The following LGSN variants were observed in gnomAD, a reference collection of about 807,000 sequenced individuals.
The protein encoded by LGSN is lengsin, lens protein with glutamine synthetase domain, also known as lengsin.
In LGSN, 21 loss-of-function variants were observed where a neutral mutation model predicts 19.5. The observed-to-expected ratio is 1.07, with a 90% CI of 0.76 to 1.55. LGSN has a LOEUF of 1.55. LGSN is among the 40% of genes most tolerant of loss of function. The pLI is 0.00. For missense variants in LGSN, 673 were observed against 608.5 expected (o/e 1.11, Z -1.12); for synonymous variants, 257 against 215.6 (o/e 1.19, Z -1.68).
intron 1 of LGSN, among the ~76,000 whole-genome samples, chr6:63,316,269 A>C (rs1305571822): frequency 1.3e-5 from 2 of 152,194 alleles, no homozygotes; most frequent in Non-Finnish European, 2.9e-5. Flanking sequence ...GTGTGAAAGA[A>C]GTATCAGAAT....
At chr6:63,506,350 A>C in the LGSN span, among the ~76,000 whole-genome samples, 1 of 149,878 alleles carries the variant, frequency 6.7e-6, no homozygotes, top group African/African-American at 2.5e-5. Context: ...TGCAACCTCC[A>C]CCTCCCAGGT....
chr6:63,412,691 GAAA>G, the LGSN span, among the ~76,000 whole-genome samples: 3 of 112,214 alleles, frequency 2.7e-5, no homozygotes, highest in African/African-American at 1.1e-4. Context: ...GAAAGAAAGA[GAAA>G]GAAAGAAAGA....
chr6:63,417,686 G>T, the LGSN span, among the ~76,000 whole-genome samples: 1 of 152,170 alleles, frequency 6.6e-6, no homozygotes, highest in Non-Finnish European at 1.5e-5. Flanking sequence ...TAAAAGTGTG[G>T]CAGGGAAAAG....
the LGSN span, among the ~76,000 whole-genome samples, chr6:63,488,138 A>C: frequency 6.6e-6 from 1 of 152,126 alleles, no homozygotes; most frequent in Non-Finnish European, 1.5e-5. Context: ...AGATAAACTC[A>C]CAATCATAAA....
At chr6:63,506,203 T>A in the LGSN span, among the ~76,000 whole-genome samples, 1 of 152,130 alleles carries the variant, frequency 6.6e-6, no homozygotes, top group Non-Finnish European at 1.5e-5. Flanking sequence ...ACATATTGAT[T>A]TTTCTCATGG....
the LGSN span, among the ~76,000 whole-genome samples, chr6:63,355,612 G>A: frequency 3.3e-5 from 5 of 152,242 alleles, no homozygotes; most frequent in South Asian, 4.1e-4. Flanking sequence ...CCTTTCTCTC[G>A]CTTCTAGTCG....
At chr6:63,300,415 C>T (rs1221797957) in intron 1 of LGSN, among the ~76,000 whole-genome samples, 2 of 152,124 alleles carry the variant, frequency 1.3e-5, no homozygotes, top group South Asian at 2.1e-4. Context: ...TCCTATAATC[C>T]AAGCACTTTG....
At chr6:63,382,184 A>G in the LGSN span, among the ~76,000 whole-genome samples, 1 of 152,246 alleles carries the variant, frequency 6.6e-6, no homozygotes, top group African/African-American at 2.4e-5. Flanking sequence ...TAAAATAGAT[A>G]ATGCCATCCA....
the LGSN span, among the ~76,000 whole-genome samples, chr6:63,408,451 T>C: frequency 1.4e-5 from 2 of 145,090 alleles, no homozygotes; most frequent in African/African-American, 2.7e-5. Flanking sequence ...ATTTAATAAA[T>C]GGTGCTGGGA....
the LGSN span, among the ~76,000 whole-genome samples, chr6:63,398,406 T>C: frequency 6.6e-6 from 1 of 151,712 alleles, no homozygotes; most frequent in Non-Finnish European, 1.5e-5. Context: ...AGGCTTAGGG[T>C]AATGTGTGTA....
At chr6:63,532,080 T>G in the LGSN span, among the ~76,000 whole-genome samples, 1 of 152,214 alleles carries the variant, frequency 6.6e-6, no homozygotes, top group Non-Finnish European at 1.5e-5. Flanking sequence ...ATTACAGGCG[T>G]GAGCCACCAC....
chr6:63,303,776 GA>G (rs1768274284), intron 1 of LGSN, among the ~76,000 whole-genome samples: 1 of 152,152 alleles, frequency 6.6e-6, no homozygotes, highest in South Asian at 2.1e-4. Flanking sequence ...CACCATCAGA[GA>G]AAGACTTCCC....
the LGSN span, among the ~76,000 whole-genome samples, chr6:63,361,669 C>T: frequency 2.6e-5 from 4 of 152,170 alleles, no homozygotes; most frequent in East Asian, 1.9e-4. Context: ...TGTCCTGCAC[C>T]AACTTTCCGA....
At chr6:63,369,349 G>C in the LGSN span, among the ~76,000 whole-genome samples, 1 of 152,178 alleles carries the variant, frequency 6.6e-6, no homozygotes, top group Admixed American at 6.5e-5. Flanking sequence ...TGAATATTAG[G>C]TGGCAACAAT....
chr6:63,437,887 G>A, the LGSN span, among the ~76,000 whole-genome samples: 4 of 152,048 alleles, frequency 2.6e-5, no homozygotes, highest in Admixed American at 6.6e-5. Context: ...TCGAGATCAC[G>A]CCACTGCATT....
At chr6:63,526,020 T>C in the LGSN span, among the ~76,000 whole-genome samples, 1 of 152,108 alleles carries the variant, frequency 6.6e-6, no homozygotes, top group Non-Finnish European at 1.5e-5. Flanking sequence ...ACCACTATAT[T>C]TTATTGCCTT....
chr6:63,277,884 A>C lies in LGSN; in HGVS notation c.*2137T>G, dbSNP rs1296143197. 6.6e-6 allele frequency: 1 copy of C among 152,332 alleles called. No individual in the cohort carries two copies. Among genetic ancestry groups the C allele is most frequent in the East Asian group, 1.9e-4 (1 of 5,178 alleles). The allele number at this position is 152,332 out of a possible 1,614,324, so 9.4% of individuals were successfully genotyped here. ...CTGATCACCTGAGTTCAGGAGTTCA[A>C]GACCAGACTGGCCAATATGGTGAAA... On this transcript the variant is annotated 3_prime_UTR_variant, in exon 4 of 4. Coordinates refer to ENST00000370657, the MANE Select transcript of LGSN (RefSeq NM_016571.3).
At chr6:63,353,621 T>C in the LGSN span, among the ~76,000 whole-genome samples, 1 of 150,086 alleles carries the variant, frequency 6.7e-6, no homozygotes, top group East Asian at 1.9e-4. Flanking sequence ...AAAATAATGT[T>C]TTTCACAGAA....
chr6:63,445,392 C>T, the LGSN span, among the ~76,000 whole-genome samples: 7 of 152,098 alleles, frequency 4.6e-5, no homozygotes, highest in Admixed American at 6.6e-5. Flanking sequence ...CCAAGGCGGG[C>T]AGATCACTTG....
Sources: gnomAD v4.1 joint callset for allele counts (sites outside exome capture counted in the v4.1 genomes callset) on GRCh38, gnomAD v4.1.1 for gene constraint, MANE v1.5 for transcripts, NCBI Gene and HGNC (gene_info 2026-07-23, HGNC 2026-07-21) for gene names.